Variants in TOLLIP observed in about 807,000 individuals in gnomAD.
TOLLIP encodes toll-interacting protein.
A neutral mutation model predicts 33.5 loss-of-function variants in TOLLIP; 16 were observed. The observed-to-expected ratio is 0.48, with a 90% CI of 0.32 to 0.72. The LOEUF (loss-of-function observed/expected upper bound fraction) is 0.72. Ranked by LOEUF, TOLLIP falls within the 30% of genes least tolerant of loss-of-function variation. The pLI is 0.03. For missense variants in TOLLIP, 325 were observed against 396.6 expected, an observed-to-expected ratio of 0.82 and a Z score of 1.53; for synonymous variants, 176 against 163.7, an observed-to-expected ratio of 1.07 and a Z score of -0.57.
At chr11:1,285,513 G>A (rs1863661839) in intron 5 of TOLLIP, among the ~76,000 whole-genome samples, 1 of 152,256 alleles carries the variant, frequency 6.6e-6, no homozygotes, top group Non-Finnish European at 1.5e-5. Flanking sequence ...TCCTAACAGT[G>A]ACACACGACA....
chr11:1,301,954 G>A (rs1483651257), intron 1 of TOLLIP, among the ~76,000 whole-genome samples: 2 of 152,210 alleles, frequency 1.3e-5, no homozygotes, highest in African/African-American at 4.8e-5. Flanking sequence ...CCCCAGACTC[G>A]GTCAGGGCCC....
rs113859207 is a variant in TOLLIP at position 1,297,648 on chromosome 11, G to A, written c.34-1854C>T. Reference sequence around the variant, plus strand: ...TGCCCTGTGAGAGAAGCCGTACTGCGAGAACAAGCAGAGCACCCCGGCTTC... The same window carrying A: ...TGCCCTGTGAGAGAAGCCGTACTGCAAGAACAAGCAGAGCACCCCGGCTTC... On this transcript the variant is annotated intron_variant, in intron 1 of 5. Transcript: ENST00000317204. 4.7e-3 allele frequency among the ~76,000 whole-genome samples: 713 copies of A among 152,390 alleles called. 4 individuals are homozygous for A. The highest frequency in any genetic ancestry group is 6.4e-3 in the Non-Finnish European group (438 of 68,040).
rs1172815721 is a variant in TOLLIP, at chr11:1,276,807, C to A, written c.*232G>T. On this transcript the variant is annotated 3_prime_UTR_variant, in exon 6 of 6. Coordinates refer to ENST00000317204, the MANE Select transcript of TOLLIP (RefSeq NM_019009.4). Reference sequence around the variant, plus strand: ...CACGTCCCAGGGACAGGAGAGCGCGCTGAGACCTCCCAGCACGAGATGGGA... The same window carrying A: ...CACGTCCCAGGGACAGGAGAGCGCGATGAGACCTCCCAGCACGAGATGGGA... The A allele has an allele frequency of 6.6e-6, 10 of 1,526,706 alleles. No homozygotes were observed. The highest frequency in any genetic ancestry group is 8.8e-6 in the Non-Finnish European group (10 of 1,141,404). 94.6% of individuals were successfully genotyped at this position (1,526,706 alleles called of 1,614,324 possible). A position where few individuals can be genotyped will look rare whatever the true frequency, so the allele number is the denominator to read the frequency against.
At chr11:1,307,921 A>C (rs1864460755) in intron 1 of TOLLIP, among the ~76,000 whole-genome samples, 1 of 152,206 alleles carries the variant, frequency 6.6e-6, no homozygotes, top group South Asian at 2.1e-4. Flanking sequence ...CTGAAGAATT[A>C]TCTCCTCGGG....
rs1297887728 is a variant in TOLLIP, at chr11:1,276,989, G to A, written c.*50C>T. On this transcript the variant is annotated 3_prime_UTR_variant, in exon 6 of 6. Coordinates refer to ENST00000317204, the MANE Select transcript of TOLLIP (RefSeq NM_019009.4). ...GGGACAGCATTCCTTGGGGAGCGCC[G>A]GGTCGGCGTGTCCAAAGAGCGGGGG... is the stretch of plus-strand genomic sequence containing the variant. 13 of 1,597,962 alleles carry A rather than the reference G, an allele frequency of 8.1e-6. No individual in the cohort carries two copies. The highest frequency in any genetic ancestry group is 4.5e-5 in the East Asian group (2 of 44,606).
chr11:1,302,876 G>T, intron 1 of TOLLIP: 2 of 819,478 alleles, frequency 2.4e-6, no homozygotes, highest in Non-Finnish European at 2.9e-6. Context: ...CCCTCGCTGA[G>T]CACTCATTCG....
chr11:1,299,747 G>T (rs928998420), intron 1 of TOLLIP, among the ~76,000 whole-genome samples: 2 of 152,166 alleles, frequency 1.3e-5, no homozygotes, highest in Non-Finnish European at 2.9e-5. Flanking sequence ...TCCACTTCAG[G>T]AGCCAGTCCC....
chr11:1,303,536 G>A lies in TOLLIP; in HGVS notation c.33+5930C>T, dbSNP rs2133931691. Among the ~76,000 whole-genome samples, 1 of 152,368 alleles carries A rather than the reference G, an allele frequency of 6.6e-6. No individual in the cohort carries two copies. The highest frequency in any genetic ancestry group is 6.5e-5 in the Admixed American group (1 of 15,312). On this transcript the variant is annotated intron_variant, in intron 1 of 5. Coordinates refer to ENST00000317204, the MANE Select transcript of TOLLIP (RefSeq NM_019009.4). This position sits in a 1 kb window ranked among gnomAD's most constrained non-coding sequence, Gnocchi z 4.2. ...TTATGCTGTATGCTAACGGCAGGAG[G>A]CGCTGTGCAAAGAAACAGGGCAAGG...
At position 1,277,922 on chromosome 11, in the gene TOLLIP, G is replaced by A. The variant is rs902601283; in HGVS notation, c.611-669C>T. 4.6e-5 allele frequency among the ~76,000 whole-genome samples: 7 copies of A among 152,264 alleles called. No individual in the cohort carries two copies. The highest frequency in any genetic ancestry group is 6.5e-5 in the Admixed American group (1 of 15,290). On this transcript the variant is annotated intron_variant, in intron 5 of 5. Transcript: ENST00000317204. The surrounding 1 kb of genome is among the most constrained non-coding windows in gnomAD (Gnocchi z 4.2). Reference sequence around the variant, plus strand: ...CTCAAACAAGTGGGGCAGCAGGTGCGGTGTACAGTGGACCCTCAGTGCACT... The same window carrying A: ...CTCAAACAAGTGGGGCAGCAGGTGCAGTGTACAGTGGACCCTCAGTGCACT...
At chr11:1,293,314 G>A (rs980603350) in intron 2 of TOLLIP, among the ~76,000 whole-genome samples, 5 of 152,252 alleles carry the variant, frequency 3.3e-5, no homozygotes, top group Non-Finnish European at 7.3e-5. Context: ...CCGTACCTAG[G>A]GATCTGGGGT....
rs926137972 is a variant in TOLLIP, at chr11:1,276,951, C to T, written c.*88G>A. 4.4e-6 allele frequency: 7 copies of T among 1,582,882 alleles called. No homozygotes were observed. Among genetic ancestry groups the T allele is most frequent in the Admixed American group, 1.7e-5 (1 of 58,452 alleles). On this transcript the variant is annotated 3_prime_UTR_variant, in exon 6 of 6. Coordinates refer to ENST00000317204, the MANE Select transcript of TOLLIP (RefSeq NM_019009.4). ...AGGGGGCGACACGGGTGCTCTTTCACGGGAATCTTGTTGGGACAGCATTCC... is the reference window on the plus strand; with the variant it reads ...AGGGGGCGACACGGGTGCTCTTTCATGGGAATCTTGTTGGGACAGCATTCC...
intron 1 of TOLLIP, among the ~76,000 whole-genome samples, chr11:1,307,995 G>A (rs896848217): frequency 3.3e-5 from 5 of 152,314 alleles, no homozygotes; most frequent in South Asian, 2.1e-4. Context: ...CCTCCACCAC[G>A]TCCAGTACTG....
chr11:1,294,109 G>A (rs1451780160), intron 2 of TOLLIP, among the ~76,000 whole-genome samples: 8 of 151,270 alleles, frequency 5.3e-5, no homozygotes, highest in African/African-American at 1.2e-4. Context: ...ACGAAAGCCC[G>A]CGTGGCTCAC....
At chr11:1,302,733 A>G (rs1412039279) in intron 1 of TOLLIP, 20 of 985,492 alleles carry the variant, frequency 2.0e-5, no homozygotes, top group Non-Finnish European at 2.4e-5. Flanking sequence ...ACAACCCTTG[A>G]GCAAATAAGT....
At chr11:1,293,929 T>C (rs1376064295) in intron 2 of TOLLIP, among the ~76,000 whole-genome samples, 1 of 152,236 alleles carries the variant, frequency 6.6e-6, no homozygotes, top group African/African-American at 2.4e-5. Context: ...AGCAAGGGTC[T>C]GAGACACGCC....
At position 1,290,168 on chromosome 11, in the gene TOLLIP, C is replaced by T. The variant is rs1375712770; in HGVS notation, c.366+59G>A. On this transcript the variant is annotated intron_variant, in intron 3 of 5. Transcript: ENST00000317204. The surrounding 1 kb of genome is among the most constrained non-coding windows in gnomAD (Gnocchi z 4.9). ...CGTGGCTGTGTTGGCAGGTGTGTCC[C>T]CACGGCAGCCACGCTCAGCCACGTG... The T allele has an allele frequency of 1.9e-6, 3 of 1,560,042 alleles. No homozygotes were observed. The highest frequency in any genetic ancestry group is 2.6e-6 in the Non-Finnish European group (3 of 1,143,544).
chr11:1,309,520 G>T lies in TOLLIP; in HGVS notation c.-22C>A. On this transcript the variant is annotated 5_prime_UTR_variant, in exon 1 of 6. Coordinates refer to ENST00000317204, the MANE Select transcript of TOLLIP (RefSeq NM_019009.4). Reference sequence around the variant, plus strand: ...CCATGGTGCTGCGGCGGCCCCCGTGGCTCGCCGACCCGACAGTGACGCGCC... The same window carrying T: ...CCATGGTGCTGCGGCGGCCCCCGTGTCTCGCCGACCCGACAGTGACGCGCC... The T allele has an allele frequency of 7.7e-7, 1 of 1,291,846 alleles. No individual in the cohort carries two copies. The highest frequency in any genetic ancestry group is 9.9e-7 in the Non-Finnish European group (1 of 1,012,192). 80.0% of individuals were successfully genotyped at this position (1,291,846 alleles called of 1,614,324 possible).
At chr11:1,286,627 C>G (rs187771180) in intron 4 of TOLLIP, among the ~76,000 whole-genome samples, 1 of 151,900 alleles carries the variant, frequency 6.6e-6, no homozygotes, top group Non-Finnish European at 1.5e-5. Context: ...AGTCACTGCA[C>G]TGCTGTCTCC....
chr11:1,307,423 C>T (rs976293970), intron 1 of TOLLIP, among the ~76,000 whole-genome samples: 13 of 152,212 alleles, frequency 8.5e-5, no homozygotes, highest in African/African-American at 2.9e-4. Flanking sequence ...GGTGTAACAG[C>T]GCTGCACGCC....
Sources: allele counts gnomAD v4.1 joint callset (sites outside exome capture counted in the v4.1 genomes callset), GRCh38; gene constraint gnomAD v4.1.1; non-coding constraint Gnocchi (gnomAD v3.1); transcripts MANE v1.5; gene names NCBI Gene and HGNC (gene_info 2026-07-23, HGNC 2026-07-21).